GNB1L: variants seen among roughly 807,000 people sequenced by gnomAD.
GNB1L encodes guanine nucleotide-binding protein subunit beta-like protein 1.
In GNB1L, 20 loss-of-function variants were observed where a neutral mutation model predicts 29.1. The observed-to-expected ratio is 0.69, with a 90% CI of 0.48 to 1.00. The LOEUF (loss-of-function observed/expected upper bound fraction) is 1.00, where lower values mean the gene tolerates loss of function less well. Among genes scored for constraint, GNB1L ranks in the 50% least tolerant of loss-of-function variants. The pLI is 0.00. For missense variants in GNB1L, 421 were observed against 464.9 expected, an observed-to-expected ratio of 0.91 and a Z score of 0.87; for synonymous variants, 193 against 206.5, an observed-to-expected ratio of 0.93 and a Z score of 0.56.
In GNB1L at chr22:19,791,076, T is replaced by G. The variant is rs529678460; in HGVS notation, c.733-2116A>C. On this transcript the variant is annotated intron_variant, in intron 7 of 7. Coordinates refer to ENST00000329517, the MANE Select transcript of GNB1L (RefSeq NM_053004.3). ...AGAGATACTGTCTTTACAAAAAAAATTTTTTAATTAGCCATGCATGCTGGC... is the reference window on the plus strand; with the variant it reads ...AGAGATACTGTCTTTACAAAAAAAAGTTTTTAATTAGCCATGCATGCTGGC... Among the ~76,000 whole-genome samples, 3 of 152,006 alleles carry G rather than the reference T, an allele frequency of 2.0e-5. No individual in the cohort carries two copies. In the East Asian group the frequency reaches 5.8e-4, roughly 29 times the overall value.
chr22:19,789,019 C>G lies in GNB1L; in HGVS notation c.733-59G>C, dbSNP rs9617832. 8.5e-6 allele frequency: 13 copies of G among 1,524,854 alleles called. No individual in the cohort carries two copies. In the African/African-American group the frequency reaches 1.6e-4, roughly 19 times the overall value. The allele number at this position is 1,524,854 out of a possible 1,614,324, so 94.5% of individuals were successfully genotyped here. Reference sequence around the variant, plus strand: ...TTAAGCCCACAAGGCAGTGCTGCCCCTGGTGCCCCACCTGCAGCTGGAACC... The same window carrying G: ...TTAAGCCCACAAGGCAGTGCTGCCCGTGGTGCCCCACCTGCAGCTGGAACC... On this transcript the variant is annotated intron_variant, in intron 7 of 7. Coordinates refer to ENST00000329517, the MANE Select transcript of GNB1L (RefSeq NM_053004.3).
At position 19,788,777 on chromosome 22, in the gene GNB1L, C is replaced by A. The variant is rs763732372; in HGVS notation, c.916G>T (p.Asp306Tyr). 6.2e-7 allele frequency: 1 copy of A among 1,612,046 alleles called. No homozygotes were observed. The highest frequency in any genetic ancestry group is 1.3e-5 in the African/African-American group (1 of 74,936). Residue 306 changes from aspartate (D) to tyrosine (Y), a missense_variant, in exon 8 of 8, where the codon GAT becomes TAT. Transcript: ENST00000329517. ...AAVQCVAFTA[D>Y]GLLAAGSKDQ... ...TTGGAGCCCGCGGCCAGCAAGCCAT[C>A]GGCGGTGAAGGCCACGCACTGGACA...
At chr22:19,812,136 G>A (rs775078339) in intron 5 of GNB1L, 149 bp downstream of exon 5, 288 of 768,488 alleles carry the variant, frequency 3.7e-4, no homozygotes, top group Non-Finnish European at 5.3e-4. Flanking sequence ...AGGCCTAGCC[G>A]GCTGTGCATC....
intron 2 of GNB1L, among the ~76,000 whole-genome samples, chr22:19,844,904 T>C (rs1268663678): frequency 1.3e-5 from 2 of 152,186 alleles, no homozygotes; most frequent in East Asian, 1.9e-4. Context: ...GCCTGGTTCA[T>C]GTAGGCCAGC....
rs769759118 is a variant in GNB1L at position 19,820,576 on chromosome 22, C to T, written c.254+22G>A. The T allele has an allele frequency of 5.0e-6, 8 of 1,607,086 alleles. No homozygotes were observed. In the South Asian group the frequency reaches 6.6e-5, roughly 13 times the overall value. On this transcript the variant is annotated intron_variant, in intron 4 of 7. Coordinates refer to ENST00000329517, the MANE Select transcript of GNB1L (RefSeq NM_053004.3). ...TGACTCCCCCGAAGGCCATACCTGGCTCCTGCACCTTGGAGACCCACCTGA... is the reference window on the plus strand; with the variant it reads ...TGACTCCCCCGAAGGCCATACCTGGTTCCTGCACCTTGGAGACCCACCTGA...
At chr22:19,799,904 A>C (rs1937350156) in intron 7 of GNB1L, among the ~76,000 whole-genome samples, 1 of 152,220 alleles carries the variant, frequency 6.6e-6, no homozygotes, top group South Asian at 2.1e-4. Flanking sequence ...CATTGGGCAG[A>C]GGGTGGCGCA....
intron 5 of GNB1L, among the ~76,000 whole-genome samples, chr22:19,808,714 C>T (rs1296113278): frequency 6.6e-6 from 1 of 152,234 alleles, no homozygotes; most frequent in African/African-American, 2.4e-5. Flanking sequence ...GTAACAGCAA[C>T]TCCGGGACAG....
At chr22:19,853,753 GACCCTGGCTTCCC>G (rs913980203) in intron 2 of GNB1L, among the ~76,000 whole-genome samples, 2 of 151,886 alleles carry the variant, frequency 1.3e-5, no homozygotes, top group African/African-American at 4.8e-5. Context: ...CCCAGCCCAT[GACCCTGGCTTCCC>G]ACCTTACTGC....
At chr22:19,798,205 G>A (rs1937329467) in intron 7 of GNB1L, among the ~76,000 whole-genome samples, 2 of 152,220 alleles carry the variant, frequency 1.3e-5, no homozygotes, top group South Asian at 2.1e-4. Flanking sequence ...GCGCAGGGCC[G>A]TGAGGGGATG....
chr22:19,850,253 G>C, intron 2 of GNB1L: 1 of 985,276 alleles, frequency 1.0e-6, no homozygotes. Context: ...TCCAACACGT[G>C]TTTAATGAGC....
intron 7 of GNB1L, chr22:19,792,450 C>T: frequency 5.1e-6 from 8 of 1,578,296 alleles, no homozygotes; most frequent in Non-Finnish European, 6.9e-6. Context: ...AGACCTCACC[C>T]ACTTTGTGAA....
chr22:19,839,796 C>T (rs1445695895), intron 2 of GNB1L, among the ~76,000 whole-genome samples: 1 of 152,040 alleles, frequency 6.6e-6, no homozygotes, highest in African/African-American at 2.4e-5. Flanking sequence ...AGGAGAATCA[C>T]CTGAACCCAG....
intron 2 of GNB1L, chr22:19,848,670 C>T (rs1938022863): frequency 1.0e-6 from 1 of 985,434 alleles, no homozygotes; most frequent in Admixed American, 6.1e-5. Context: ...CAAGGACTCT[C>T]AAGCCTGCCT....
At chr22:19,837,052 T>C (rs572631717) in intron 2 of GNB1L, among the ~76,000 whole-genome samples, 75 of 152,028 alleles carry the variant, frequency 4.9e-4, no homozygotes, top group African/African-American at 1.8e-3. Context: ...CTGCAAGCTC[T>C]GCCTCCTGGG....
intron 2 of GNB1L, among the ~76,000 whole-genome samples, chr22:19,843,829 C>T (rs1937904738): frequency 6.6e-6 from 1 of 152,228 alleles, no homozygotes; most frequent in Non-Finnish European, 1.5e-5. Flanking sequence ...GGACAGCCAC[C>T]CATCTCCCTT....
chr22:19,801,796 G>A (rs1016188575), intron 7 of GNB1L, among the ~76,000 whole-genome samples: 1 of 152,092 alleles, frequency 6.6e-6, no homozygotes, highest in Non-Finnish European at 1.5e-5. Flanking sequence ...AGGTCTGGGC[G>A]AAACCCAAAC....
chr22:19,850,506 T>C (rs920918669), intron 2 of GNB1L: 3 of 1,051,770 alleles, frequency 2.9e-6, no homozygotes, highest in Admixed American at 5.5e-5. Context: ...TGCCTGCAGC[T>C]GAGCCTGGCA....
chr22:19,803,532 T>C (rs1209863783), intron 6 of GNB1L, among the ~76,000 whole-genome samples: 1 of 152,186 alleles, frequency 6.6e-6, no homozygotes, highest in African/African-American at 2.4e-5. Flanking sequence ...GTTTTATCCC[T>C]GGGAGGAGTT....
Position 19,786,412 on chromosome 22 carries a change from C to A in GNB1L, c.*2297G>T, listed in dbSNP as rs986871231. The A allele has an allele frequency of 2.6e-5, 4 of 152,194 alleles. No individual in the cohort carries two copies. Among genetic ancestry groups the A allele is most frequent in the African/African-American group, 7.2e-5 (3 of 41,430 alleles). 9.4% of individuals were successfully genotyped at this position (152,194 alleles called of 1,614,324 possible). A position where few individuals can be genotyped will look rare whatever the true frequency, so the allele number is the denominator to read the frequency against. ...GCCAACTCAGGGTCTGTACACCCTG[C>A]CCACAGCTCTTCATGGCCTCTATGT... On this transcript the variant is annotated 3_prime_UTR_variant, in exon 8 of 8. Transcript: ENST00000329517.
Sources: gnomAD v4.1 joint callset for allele counts (sites outside exome capture counted in the v4.1 genomes callset) on GRCh38, gnomAD v4.1.1 for gene constraint, MANE v1.5 for transcripts, NCBI Gene and HGNC (gene_info 2026-07-23, HGNC 2026-07-21) for gene names.